Variants in MYH11 observed in about 807,000 individuals in gnomAD.
MYH11 encodes the protein myosin heavy chain 11.
MYH11 carries 80 observed loss-of-function variants against 246.6 expected under a neutral mutation model. The ratio of observed to expected loss-of-function variants is 0.32; its 90% confidence interval spans 0.27 to 0.39. MYH11 has a LOEUF of 0.39. MYH11 is among the 10% of genes least tolerant of loss of function. MYH11 has a pLI of 1.00. For missense variants in MYH11, 2,158 were observed against 2,546.8 expected (o/e 0.85, Z 3.29); for synonymous variants, 1,071 against 1,015.5 (o/e 1.05, Z -1.04).
intron 2 of MYH11, among the ~76,000 whole-genome samples, chr16:15,826,187 G>A (rs1454587979): frequency 5.3e-5 from 8 of 151,594 alleles, no homozygotes; most frequent in East Asian, 1.9e-4. Context: ...CATTCTGTAC[G>A]TCCCAGATGC....
chr16:15,726,746 C>G, intron 28 of MYH11, 102 bp downstream of exon 28: 2 of 1,369,800 alleles, frequency 1.5e-6, no homozygotes, highest in Non-Finnish European at 2.0e-6. Context: ...AAAGGACTTG[C>G]CTTGCAGCAA....
rs773533472 is a variant in MYH11, at chr16:15,726,899, G to A, written c.3807C>T (p.Ser1269=). 1.1e-5 allele frequency: 17 copies of A among 1,612,298 alleles called. No homozygotes were observed. Among genetic ancestry groups the A allele is most frequent in the East Asian group, 4.5e-5 (2 of 44,832 alleles). Residue 1269 remains serine, a synonymous_variant, in exon 28 of 41, where the codon AGC becomes AGT. Transcript: ENST00000300036. ...GCTCCGCCCGGGCCCGCTCCCCATCGCTGCACTTGGACTGCAGCTCCTGCA... is the reference window on the plus strand; with the variant it reads ...GCTCCGCCCGGGCCCGCTCCCCATCACTGCACTTGGACTGCAGCTCCTGCA... ...AQVQELQSKC[S]DGERARAELN...
chr16:15,806,006 C>A (rs1342348462), intron 3 of MYH11, among the ~76,000 whole-genome samples: 1 of 151,940 alleles, frequency 6.6e-6, no homozygotes. Context: ...CGGCTGGGCA[C>A]GGTGGCTCAC....
intron 28 of MYH11, 35 bp from the exon 29 acceptor site, chr16:15,725,027 C>T (rs754330489): frequency 1.3e-6 from 2 of 1,583,332 alleles, no homozygotes; most frequent in South Asian, 2.2e-5. Flanking sequence ...GTCAAAGCCT[C>T]TAGAAGGGGA....
chr16:15,740,024 G>C (rs1292277505), intron 23 of MYH11, 27 bp downstream of exon 23: 1 of 1,612,666 alleles, frequency 6.2e-7, no homozygotes, highest in South Asian at 1.1e-5. Flanking sequence ...TTATAGGCGT[G>C]AGCCACTGCA....
chr16:15,803,121 A>G (rs2042926363), intron 3 of MYH11, among the ~76,000 whole-genome samples: 2 of 151,786 alleles, frequency 1.3e-5, no homozygotes, highest in South Asian at 4.2e-4. Context: ...TGGGCAACAG[A>G]GCAAGACCCC....
chr16:15,753,961 TG>T (rs2041644059), intron 14 of MYH11, among the ~76,000 whole-genome samples: 2 of 151,504 alleles, frequency 1.3e-5, no homozygotes, highest in Admixed American at 1.3e-4. Flanking sequence ...ATCCCAGCAC[TG>T]TGGAAGGCCA....
intron 20 of MYH11, among the ~76,000 whole-genome samples, chr16:15,742,493 G>T (rs2041301561): frequency 6.6e-6 from 1 of 152,122 alleles, no homozygotes; most frequent in Non-Finnish European, 1.5e-5. Context: ...TGTAATCCCA[G>T]CATTTTGGGA....
intron 24 of MYH11, among the ~76,000 whole-genome samples, chr16:15,738,028 C>T (rs968954318): frequency 1.3e-5 from 2 of 152,172 alleles, no homozygotes; most frequent in Admixed American, 6.5e-5. Context: ...CCTCGTGATC[C>T]GCCCACCTCG....
intron 19 of MYH11, among the ~76,000 whole-genome samples, chr16:15,746,582 G>GACA (rs2151258542): frequency 6.6e-6 from 1 of 152,154 alleles, no homozygotes; most frequent in Non-Finnish European, 1.5e-5. Flanking sequence ...TCTGCCCAAT[G>GACA]ACAACACACA....
intron 40 of MYH11, chr16:15,714,108 C>T (rs569298502): frequency 6.6e-6 from 1 of 152,540 alleles, no homozygotes; most frequent in South Asian, 2.1e-4. Flanking sequence ...TCATGGAGAA[C>T]TGTGAGGAGT....
intron 25 of MYH11, among the ~76,000 whole-genome samples, chr16:15,735,983 C>T (rs1334451978): frequency 6.6e-6 from 1 of 152,210 alleles, no homozygotes; most frequent in Non-Finnish European, 1.5e-5. Context: ...TGAGTACCCG[C>T]CCCATGCACA....
At chr16:15,774,188 G>C (rs1356206890) in intron 8 of MYH11, among the ~76,000 whole-genome samples, 1 of 152,190 alleles carries the variant, frequency 6.6e-6, no homozygotes, top group Non-Finnish European at 1.5e-5. Context: ...TTCAAGTCAC[G>C]AGGATTGAGG....
At chr16:15,804,584 T>TC (rs2042967113) in intron 3 of MYH11, among the ~76,000 whole-genome samples, 1 of 152,160 alleles carries the variant, frequency 6.6e-6, no homozygotes, top group South Asian at 2.1e-4. Flanking sequence ...TTTAGTACAT[T>TC]CACAATGTTA....
intron 9 of MYH11, among the ~76,000 whole-genome samples, chr16:15,768,074 G>T (rs1370101201): frequency 6.6e-6 from 1 of 151,952 alleles, no homozygotes; most frequent in Non-Finnish European, 1.5e-5. Context: ...CATTATGCCC[G>T]GCTCCTGCCG....
chr16:15,734,435 A>T (rs1438691665), intron 26 of MYH11, among the ~76,000 whole-genome samples: 1 of 151,984 alleles, frequency 6.6e-6, no homozygotes, highest in African/African-American at 2.4e-5. Flanking sequence ...AGTAGCTGGG[A>T]TTTACAGGCA....
intron 2 of MYH11, among the ~76,000 whole-genome samples, chr16:15,827,446 C>T (rs1037880898): frequency 6.6e-6 from 1 of 152,182 alleles, no homozygotes; most frequent in Non-Finnish European, 1.5e-5. Flanking sequence ...GTATAAGCGG[C>T]TCCATCGGAC....
intron 3 of MYH11, among the ~76,000 whole-genome samples, chr16:15,809,397 T>A (rs1456144388): frequency 6.6e-6 from 1 of 151,714 alleles, no homozygotes; most frequent in African/African-American, 2.4e-5. Flanking sequence ...CCAGGCGTGA[T>A]GATCTGTGCC....
rs1292203107 is a variant in MYH11 at position 15,760,478 on chromosome 16, T to C, written c.1248+62A>G. On this transcript the variant is annotated intron_variant, in intron 11 of 40. Coordinates refer to ENST00000300036, the MANE Select transcript of MYH11 (RefSeq NM_002474.3). Reference sequence around the variant, plus strand: ...ATACATGAATGAGTGAACAGGTGGATAGATGGATGAATGGATGGATGGGTG... The same window carrying C: ...ATACATGAATGAGTGAACAGGTGGACAGATGGATGAATGGATGGATGGGTG... 7 of 1,241,192 alleles carry C rather than the reference T, an allele frequency of 5.6e-6. 1 individual carries two copies. Among genetic ancestry groups the C allele is most frequent in the Non-Finnish European group, 8.3e-6 (7 of 840,070 alleles). The allele number at this position is 1,241,192 out of a possible 1,614,324, so 76.9% of individuals were successfully genotyped here. A position where few individuals can be genotyped will look rare whatever the true frequency, so the allele number is the denominator to read the frequency against.
Sources: gnomAD v4.1 joint callset for allele counts (sites outside exome capture counted in the v4.1 genomes callset) on GRCh38, gnomAD v4.1.1 for gene constraint, MANE v1.5 for transcripts, NCBI Gene and HGNC (gene_info 2026-07-23, HGNC 2026-07-21) for gene names.